EPC1: variants seen among roughly 807,000 people sequenced by gnomAD.
EPC1 encodes enhancer of polycomb homolog 1.
A neutral mutation model predicts 98.4 loss-of-function variants in EPC1; 12 were observed. The ratio of observed to expected loss-of-function variants is 0.12; its 90% CI spans 0.08 to 0.20. The LOEUF (loss-of-function observed/expected upper bound fraction) is 0.20. EPC1 is among the 10% of genes least tolerant of loss of function. The probability of loss-of-function intolerance (pLI) is 1.00; values close to 1 mark genes in which losing one functional copy is unlikely to be tolerated. For synonymous variants in EPC1, 357 were observed against 363.9 expected (o/e 0.98, Z 0.21); for missense variants, 729 against 990.5 (o/e 0.74, Z 3.54).
At chr10:32,328,787 T>C (rs1248678842) in intron 1 of EPC1, among the ~76,000 whole-genome samples, 1 of 152,196 alleles carries the variant, frequency 6.6e-6, no homozygotes, top group African/African-American at 2.4e-5. Flanking sequence ...TCTAATGTTC[T>C]GTTATACACA....
chr10:32,346,682 T>G lies in EPC1; in HGVS notation c.153+81A>C, dbSNP rs1838846331. 22 of 1,360,940 alleles carry G rather than the reference T, an allele frequency of 1.6e-5. No homozygotes were observed. The South Asian group carries it at 2.6e-4, about 16-fold the overall frequency. The allele number at this position is 1,360,940 out of a possible 1,614,324, so 84.3% of individuals were successfully genotyped here. A position where few individuals can be genotyped will look rare whatever the true frequency, so the allele number is the denominator to read the frequency against. ...AAGAGAAGATGGCGGCCATTTTGTG[T>G]GGGTTTGCTGCTCCGCCGCCGCCGC... On this transcript the variant is annotated intron_variant, in intron 1 of 13. Coordinates refer to ENST00000319778, the MANE Select transcript of EPC1 (RefSeq NM_001272004.3).
At chr10:32,334,382 C>T (rs1344121867) in intron 1 of EPC1, among the ~76,000 whole-genome samples, 1 of 151,540 alleles carries the variant, frequency 6.6e-6, no homozygotes, top group East Asian at 1.9e-4. Flanking sequence ...GAAGTCCCAA[C>T]TGTACCTGAA....
At position 32,287,088 on chromosome 10, in the gene EPC1, G is replaced by A. The variant is rs774992522; in HGVS notation, c.1152+10C>T. 1.2e-6 allele frequency: 2 copies of A among 1,614,088 alleles called. No individual in the cohort carries two copies. The highest frequency in any genetic ancestry group is 1.7e-5 in the Admixed American group (1 of 60,008). ...CCCTCCTCAATGTTCATAGAGAATT[G>A]TATTTGTACCTGGGAGAGAGGTTCT... On this transcript the variant is annotated intron_variant, in intron 7 of 13. Transcript: ENST00000319778.
In EPC1 at chr10:32,285,119, T is replaced by A; in HGVS notation, c.1392-69A>T. The A allele has an allele frequency of 3.9e-6, 5 of 1,278,996 alleles. No homozygotes were observed. The South Asian group carries it at 7.6e-5, about 19-fold the overall frequency. 79.2% of individuals were successfully genotyped at this position (1,278,996 alleles called of 1,614,324 possible). A position where few individuals can be genotyped will look rare whatever the true frequency, so the allele number is the denominator to read the frequency against. ...TCAAAGATTATATATTAAAGCTTTT[T>A]CTTTTTACCCCCAACTGCCAAAAGG... On this transcript the variant is annotated intron_variant, in intron 9 of 13. Coordinates refer to ENST00000319778, the MANE Select transcript of EPC1 (RefSeq NM_001272004.3).
At position 32,272,058 on chromosome 10, in the gene EPC1, C is replaced by T; in HGVS notation, c.1973G>A (p.Gly658Glu). The change falls in exon 12 of 14, where the codon GGA (glycine) becomes GAA (glutamate). Residue 658 changes from glycine to glutamate, a missense_variant. This residue lies in a region of EPC1 where 156 missense variants were observed against 188.9 expected (regional missense o/e 0.83). Transcript: ENST00000319778. ...GFKMKDDVVL[G>E]IGVNGVLPAS... ...TGGAAGGACGCCATTCACCCCGATT[C>T]CAAGCACCACATCATCCTTCATCTT... The T allele has an allele frequency of 6.2e-7, 1 of 1,613,736 alleles. No individual in the cohort carries two copies. Among genetic ancestry groups the T allele is most frequent in the Non-Finnish European group, 8.5e-7 (1 of 1,179,926 alleles).
At chr10:32,313,058 G>C (rs973990583) in intron 1 of EPC1, among the ~76,000 whole-genome samples, 15 of 151,810 alleles carry the variant, frequency 9.9e-5, no homozygotes, top group Admixed American at 7.9e-4. Flanking sequence ...TGTACAGAAG[G>C]CTGGGTTTGA....
rs1245164820 is a variant in EPC1, at chr10:32,271,585, G to C, written c.2338C>G (p.Pro780Ala). ...AAANCQVSKV[P>A]SSSSVDSVPR... ...ACTGAATCTACAGAGGATGAAGATG[G>C]GACCTTGGAAACTTGACAGTTTGCT... is the stretch of plus-strand genomic sequence containing the variant. The change falls in exon 13 of 14, where the codon CCA becomes GCA. Residue 780 changes from proline (P) to alanine (A), a missense_variant. Coordinates refer to ENST00000319778, the MANE Select transcript of EPC1 (RefSeq NM_001272004.3). 1.2e-6 allele frequency: 2 copies of C among 1,614,094 alleles called. No individual in the cohort carries two copies. Among genetic ancestry groups the C allele is most frequent in the Non-Finnish European group, 1.7e-6 (2 of 1,180,012 alleles).
intron 1 of EPC1, among the ~76,000 whole-genome samples, chr10:32,336,040 G>T (rs1345959242): frequency 6.6e-6 from 1 of 150,408 alleles, no homozygotes; most frequent in Non-Finnish European, 1.5e-5. Context: ...AGATTCCATG[G>T]TCCATCATGA....
chr10:32,370,823 G>T (rs1403935918), intron 1 of EPC1, among the ~76,000 whole-genome samples: 1 of 152,212 alleles, frequency 6.6e-6, no homozygotes, highest in Non-Finnish European at 1.5e-5. Flanking sequence ...CATGTTACTA[G>T]TGAGTACCGT....
intron 1 of EPC1, among the ~76,000 whole-genome samples, chr10:32,343,695 G>GGC (rs1015443941): frequency 1.9e-3 from 2 of 1,040 alleles, no homozygotes; most frequent in Non-Finnish European, 4.5e-3. Flanking sequence ...AAATTATTTT[G>GGC]GGGGGGGGGT....
Position 32,342,655 on chromosome 10 carries a change from A to G in EPC1, c.153+4108T>C, listed in dbSNP as rs191647336. Among the ~76,000 whole-genome samples, 63 of 152,328 alleles carry G rather than the reference A, an allele frequency of 4.1e-4. 1 individual carries two copies. The highest frequency in any genetic ancestry group is 1.5e-3 in the African/African-American group (61 of 41,566). The stretch of plus-strand genomic sequence containing the variant: ...AGGGTAGTATCAATATGAAAACATC[A>G]TTAACATCTTAATTACACCAAATCT... On this transcript the variant is annotated intron_variant, in intron 1 of 13. Coordinates refer to ENST00000319778, the MANE Select transcript of EPC1 (RefSeq NM_001272004.3).
chr10:32,335,555 T>C (rs184394252), intron 1 of EPC1, among the ~76,000 whole-genome samples: 2 of 152,158 alleles, frequency 1.3e-5, no homozygotes, highest in African/African-American at 4.8e-5. Flanking sequence ...TTGCTTCCCA[T>C]TGCCAGTTCT....
At chr10:32,294,256 G>A (rs553243662) in intron 2 of EPC1, among the ~76,000 whole-genome samples, 134 of 152,336 alleles carry the variant, frequency 8.8e-4, no homozygotes, top group African/African-American at 3.2e-3. Context: ...AGTACAGGTT[G>A]AGAATCCCTC....
rs1434582226 is a variant in EPC1 at position 32,267,883 on chromosome 10, C to T, written c.*1180G>A. ...CATTCAGACTTCGGTACTGACAAAG[C>T]ACTAGTAGTAGTCTGTTAAGTACCA... On this transcript the variant is annotated 3_prime_UTR_variant, in exon 14 of 14. Transcript: ENST00000319778. 2 of 152,154 alleles carry T rather than the reference C, an allele frequency of 1.3e-5. No homozygotes were observed. Among genetic ancestry groups the T allele is most frequent in the African/African-American group, 2.4e-5 (1 of 41,436 alleles). The allele number at this position is 152,154 out of a possible 1,614,324, so 9.4% of individuals were successfully genotyped here. A position where few individuals can be genotyped will look rare whatever the true frequency, so the allele number is the denominator to read the frequency against.
chr10:32,358,610 A>T (rs1592636257), intron 1 of EPC1, among the ~76,000 whole-genome samples: 1 of 126,216 alleles, frequency 7.9e-6, no homozygotes, highest in Non-Finnish European at 1.6e-5. Flanking sequence ...GCGTCACTGC[A>T]CTCCAGCCTG....
intron 1 of EPC1, among the ~76,000 whole-genome samples, chr10:32,316,223 A>G (rs1836539723): frequency 6.6e-6 from 1 of 152,232 alleles, no homozygotes; most frequent in South Asian, 2.1e-4. Flanking sequence ...AGGATATGGA[A>G]TAACTAGAAC....
At chr10:32,275,666 T>C (rs3124225) in intron 10 of EPC1, among the ~76,000 whole-genome samples, 94,424 of 150,718 alleles carry the variant, frequency 0.63, 30,441 homozygotes, top group Middle Eastern at 0.76. Flanking sequence ...TCCCAGCTAG[T>C]TGGGAGGCTG....
At chr10:32,311,599 C>T (rs1452313049) in intron 1 of EPC1, among the ~76,000 whole-genome samples, 1 of 151,726 alleles carries the variant, frequency 6.6e-6, no homozygotes, top group East Asian at 1.9e-4. Flanking sequence ...TATTTACTCC[C>T]TCCCCAAGTA....
chr10:32,368,928 A>G (rs1380642882), intron 1 of EPC1, among the ~76,000 whole-genome samples: 2 of 152,246 alleles, frequency 1.3e-5, no homozygotes, highest in Admixed American at 6.5e-5. Flanking sequence ...TTTGTTTGAT[A>G]GAAGAAGAAA....
Sources: gnomAD v4.1 joint callset for allele counts (sites outside exome capture counted in the v4.1 genomes callset) on GRCh38, gnomAD v4.1.1 for gene constraint, gnomAD v4.1.1 regional missense constraint, MANE v1.5 for transcripts, NCBI Gene and HGNC (gene_info 2026-07-23, HGNC 2026-07-21) for gene names.